The following CNBD1 variants were observed in gnomAD, a reference collection of about 807,000 sequenced individuals.
CNBD1 encodes the protein cyclic nucleotide-binding domain-containing protein 1.
In CNBD1, 71 loss-of-function variants were observed where a neutral mutation model predicts 54.4. The ratio of observed to expected loss-of-function variants is 1.30; its 90% CI spans 1.08 to 1.59. The LOEUF (loss-of-function observed/expected upper bound fraction) is 1.59, where lower values mean the gene tolerates loss of function less well. Among genes scored for constraint, CNBD1 ranks in the 40% most tolerant of loss-of-function variants. The pLI, the probability that CNBD1 is intolerant of heterozygous loss-of-function variation, is 0.00. For missense variants in CNBD1, 659 were observed against 518.0 expected (o/e 1.27, Z -2.64); for synonymous variants, 182 against 170.7 (o/e 1.07, Z -0.51).
rs530321093 is a variant in CNBD1 at position 86,992,392 on chromosome 8, T to C, written c.431+52638T>C. Reference sequence around the variant, plus strand: ...AAATATAACATGGGCCTTTTGAAGATAGCAGACAGTTGGGTCTTATCTTTT... The same window carrying C: ...AAATATAACATGGGCCTTTTGAAGACAGCAGACAGTTGGGTCTTATCTTTT... On this transcript the variant is annotated intron_variant, in intron 4 of 10. Transcript: ENST00000518476. Among the ~76,000 whole-genome samples, 20 of 152,282 alleles carry C rather than the reference T, an allele frequency of 1.3e-4. No homozygotes were observed. In the South Asian group the frequency reaches 3.7e-3, roughly 28 times the overall value.
intron 4 of CNBD1, among the ~76,000 whole-genome samples, chr8:87,113,003 C>T (rs999905297): frequency 5.9e-5 from 9 of 152,170 alleles, no homozygotes; most frequent in African/African-American, 2.2e-4. Flanking sequence ...AAGAGAAGTA[C>T]AGTTCAACCT....
intron 8 of CNBD1, among the ~76,000 whole-genome samples, chr8:87,305,624 TCAA>T (rs1809125201): frequency 6.6e-6 from 1 of 152,036 alleles, no homozygotes; most frequent in Admixed American, 6.6e-5. Flanking sequence ...CAACTGAACT[TCAA>T]CAAAGCAAAC....
chr8:87,053,549 C>T (rs951457324), intron 4 of CNBD1, among the ~76,000 whole-genome samples: 2 of 152,206 alleles, frequency 1.3e-5, no homozygotes, highest in African/African-American at 2.4e-5. Context: ...CCCCCTCTCC[C>T]CTTCTCTCTT....
intron 4 of CNBD1, among the ~76,000 whole-genome samples, chr8:86,999,904 C>T (rs1808957848): frequency 6.6e-6 from 1 of 152,144 alleles, no homozygotes; most frequent in South Asian, 2.1e-4. Flanking sequence ...AGTTGCTTAG[C>T]GTGTTGCGCC....
rs536786485 is a variant in CNBD1, at chr8:87,058,599, C to T, written c.431+118845C>T. Among the ~76,000 whole-genome samples, 6 of 152,286 alleles carry T rather than the reference C, an allele frequency of 3.9e-5. No individual in the cohort carries two copies. The South Asian group carries it at 1.2e-3, about 32-fold the overall frequency. ...TTCTGCACAACTGCAGGACCAACAC[C>T]ACATGAATTCTTCTAAGGCTGGGGG... On this transcript the variant is annotated intron_variant, in intron 4 of 10. Transcript: ENST00000518476.
intron 10 of CNBD1, among the ~76,000 whole-genome samples, chr8:87,377,384 T>C (rs908282396): frequency 6.0e-5 from 9 of 149,710 alleles, no homozygotes; most frequent in African/African-American, 2.2e-4. Context: ...TTCCCACCTA[T>C]GAGTGAGAAT....
chr8:87,059,775 G>A (rs1204761564), intron 4 of CNBD1, among the ~76,000 whole-genome samples: 1 of 152,232 alleles, frequency 6.6e-6, no homozygotes. Context: ...TTTGGCGTGG[G>A]CACAGCCAGA....
rs1813965579 is a variant in CNBD1, at chr8:87,206,025, CTG to C, written c.469_470del (p.Trp157GlufsTer15). 2 of 1,581,330 alleles carry C rather than the reference CTG, an allele frequency of 1.3e-6. No individual in the cohort carries two copies. The highest frequency in any genetic ancestry group is 1.4e-5 in the African/African-American group (1 of 72,220). On this transcript the variant is annotated frameshift_variant, in exon 5 of 11. Transcript: ENST00000518476. LOFTEE classifies it high-confidence loss of function. ...CACAGGACGCCATATGAACACAAAA[CTG>C]TGTGGAAGTTCCTGAAAACAATTCC...
At chr8:87,303,606 G>A (rs1359851122) in intron 8 of CNBD1, among the ~76,000 whole-genome samples, 1 of 151,922 alleles carries the variant, frequency 6.6e-6, no homozygotes, top group Non-Finnish European at 1.5e-5. Flanking sequence ...AACACAAAAA[G>A]CAATGACAAC....
At chr8:87,404,257 A>G (rs1366983032) in intron 2 of CNBD1, among the ~76,000 whole-genome samples, 1 of 152,050 alleles carries the variant, frequency 6.6e-6, no homozygotes, top group African/African-American at 2.4e-5. Flanking sequence ...GGCTCATGCA[A>G]TATTGAATTA....
chr8:87,012,582 T>C (rs1300403683), intron 4 of CNBD1, among the ~76,000 whole-genome samples: 14 of 152,128 alleles, frequency 9.2e-5, no homozygotes, highest in Non-Finnish European at 1.5e-5. Flanking sequence ...CAGGAAATAA[T>C]CAACTAAGAG....
intron 10 of CNBD1, among the ~76,000 whole-genome samples, chr8:87,374,349 G>C: frequency 6.6e-6 from 1 of 151,680 alleles, no homozygotes. Context: ...AATAAAATGT[G>C]TTTCCTAAGA....
At chr8:87,197,581 C>G (rs531653913) in intron 4 of CNBD1, among the ~76,000 whole-genome samples, 4 of 151,942 alleles carry the variant, frequency 2.6e-5, no homozygotes, top group African/African-American at 9.7e-5. Context: ...TCTCCATGGC[C>G]CAAATCAGGC....
intron 4 of CNBD1, among the ~76,000 whole-genome samples, chr8:86,966,697 G>A (rs1162480185): frequency 6.6e-6 from 1 of 152,132 alleles, no homozygotes; most frequent in Admixed American, 6.5e-5. Context: ...GGATAGGTTT[G>A]TGGTCTTGCT....
At chr8:87,234,226 C>T (rs1807526074) in intron 5 of CNBD1, among the ~76,000 whole-genome samples, 1 of 152,152 alleles carries the variant, frequency 6.6e-6, no homozygotes, top group Non-Finnish European at 1.5e-5. Flanking sequence ...TCAACTTTTC[C>T]AAACTCCTGT....
intron 1 of CNBD1, among the ~76,000 whole-genome samples, chr8:86,880,993 C>T (rs1293649036): frequency 6.6e-5 from 10 of 152,142 alleles, no homozygotes; most frequent in Non-Finnish European, 1.5e-4. Context: ...ATGTTAAAAA[C>T]TCTCAATAAA....
chr8:87,305,907 G>A (rs1207810237), intron 8 of CNBD1, among the ~76,000 whole-genome samples: 2 of 152,104 alleles, frequency 1.3e-5, no homozygotes, highest in African/African-American at 4.8e-5. Flanking sequence ...AAATAGCTCG[G>A]ACCTAATTAA....
At position 87,204,138 on chromosome 8, in the gene CNBD1, G is replaced by A. The variant is rs537446168; in HGVS notation, c.432-1855G>A. Reference sequence around the variant, plus strand: ...TTCTTTTGGTTTGCAAGTTCAATGAGTCAAAACTTTTTTTGGAGCATAATA... The same window carrying A: ...TTCTTTTGGTTTGCAAGTTCAATGAATCAAAACTTTTTTTGGAGCATAATA... On this transcript the variant is annotated intron_variant, in intron 4 of 10. Transcript: ENST00000518476. 3.7e-4 allele frequency among the ~76,000 whole-genome samples: 57 copies of A among 152,256 alleles called. No homozygotes were observed. In the South Asian group the frequency reaches 0.011, roughly 30 times the overall value.
rs1642772581 is a variant in CNBD1 at position 86,941,580 on chromosome 8, G to A, written c.431+1826G>A. On this transcript the variant is annotated intron_variant, in intron 4 of 10. Coordinates refer to ENST00000518476, the MANE Select transcript of CNBD1 (RefSeq NM_173538.3). ...GATAACAAAGTTTCTGATCTGAGAT[G>A]TGGGAGGTCAGTAACAGGGACTTCC... Among the ~76,000 whole-genome samples the A allele has an allele frequency of 1.3e-5, 2 of 152,174 alleles. 1 individual carries two copies. The highest frequency in any genetic ancestry group is 4.1e-4 in the South Asian group (2 of 4,828).
Sources: gnomAD v4.1 joint callset for allele counts (sites outside exome capture counted in the v4.1 genomes callset) on GRCh38, gnomAD v4.1.1 for gene constraint, MANE v1.5 for transcripts, NCBI Gene and HGNC (gene_info 2026-07-23, HGNC 2026-07-21) for gene names.